Variants in POMK observed in about 807,000 individuals in gnomAD.
POMK encodes Sugen kinase 196.
POMK carries 19 observed loss-of-function variants against 23.0 expected under a neutral mutation model. That is an observed-to-expected ratio of 0.83 (90% CI 0.58 to 1.21). The LOEUF (loss-of-function observed/expected upper bound fraction) is 1.21, where lower values mean the gene tolerates loss of function less well. POMK is among the 50% of genes most tolerant of loss of function. The probability of loss-of-function intolerance (pLI) is 0.00; values close to 1 mark genes in which losing one functional copy is unlikely to be tolerated. For missense variants in POMK, 410 were observed against 431.3 expected (o/e 0.95, Z 0.44); for synonymous variants, 173 against 171.6 (o/e 1.01, Z -0.06).
At position 43,097,563 on chromosome 8, in the gene POMK, T is replaced by G. The variant is rs1410488337; in HGVS notation, c.-170T>G. On this transcript the variant is annotated 5_prime_UTR_variant, in exon 2 of 5. Coordinates refer to ENST00000331373, the MANE Select transcript of POMK (RefSeq NM_032237.5). ...TTGCTGTGTAATCCTGAGAATGGAC[T>G]GCAAGAGAGGAAAAACTGGGCGTCT... is the stretch of plus-strand genomic sequence containing the variant. 6.6e-6 allele frequency: 1 copy of G among 152,186 alleles called. No individual in the cohort carries two copies. The highest frequency in any genetic ancestry group is 1.5e-5 in the Non-Finnish European group (1 of 68,044). 9.4% of individuals were successfully genotyped at this position (152,186 alleles called of 1,614,324 possible). A position where few individuals can be genotyped will look rare whatever the true frequency, so the allele number is the denominator to read the frequency against.
intron 1 of POMK, 57 bp from the exon 2 acceptor site, chr8:43,097,467 A>G (rs1811357214): frequency 6.6e-6 from 1 of 152,236 alleles, no homozygotes; most frequent in South Asian, 2.1e-4. Flanking sequence ...GTGTGACTTG[A>G]CAAAGCTGGA....
At chr8:43,096,430 A>G (rs1316260693) in intron 1 of POMK, among the ~76,000 whole-genome samples, 1 of 151,716 alleles carries the variant, frequency 6.6e-6, no homozygotes, top group Non-Finnish European at 1.5e-5. Context: ...TGGGAAGCCA[A>G]GGTGGGCGGA....
chr8:43,103,191 C>G (rs1156782325), intron 3 of POMK, among the ~76,000 whole-genome samples: 4 of 152,188 alleles, frequency 2.6e-5, no homozygotes. Flanking sequence ...CCTGTCCCAC[C>G]AGTTGACTAA....
intron 1 of POMK, among the ~76,000 whole-genome samples, chr8:43,095,729 G>A (rs1445899111): frequency 6.6e-6 from 1 of 152,146 alleles, no homozygotes; most frequent in African/African-American, 2.4e-5. Context: ...TCTGGCAAGA[G>A]GCTCAGCACT....
intron 4 of POMK, among the ~76,000 whole-genome samples, chr8:43,112,071 G>A (rs1811682051): frequency 6.6e-6 from 1 of 151,850 alleles, no homozygotes; most frequent in Non-Finnish European, 1.5e-5. Context: ...GACGGAGAAT[G>A]ACTTTGATGA....
At chr8:43,095,176 T>C (rs1183607849) in intron 1 of POMK, among the ~76,000 whole-genome samples, 1 of 152,216 alleles carries the variant, frequency 6.6e-6, no homozygotes, top group Non-Finnish European at 1.5e-5. Flanking sequence ...AAGAATGGGC[T>C]TGAGGCCAGA....
intron 4 of POMK, among the ~76,000 whole-genome samples, chr8:43,107,681 CTT>C (rs754701316): frequency 7.2e-6 from 1 of 139,298 alleles, no homozygotes; most frequent in Non-Finnish European, 1.6e-5. Flanking sequence ...GGCAAGAATA[CTT>C]TTTTTTTTTT....
At chr8:43,116,410 G>A (rs373394035) in intron 4 of POMK, among the ~76,000 whole-genome samples, 1 of 152,048 alleles carries the variant, frequency 6.6e-6, no homozygotes, top group African/African-American at 2.4e-5. Flanking sequence ...GACCACAGGC[G>A]TGTGCCACCA....
intron 4 of POMK, among the ~76,000 whole-genome samples, chr8:43,121,798 C>T (rs1416606640): frequency 6.6e-6 from 1 of 152,230 alleles, no homozygotes; most frequent in Non-Finnish European, 1.5e-5. Flanking sequence ...AGGTCCCCCT[C>T]GTTCTATGAG....
At chr8:43,098,938 T>C (rs1165291909) in intron 2 of POMK, among the ~76,000 whole-genome samples, 5 of 152,194 alleles carry the variant, frequency 3.3e-5, no homozygotes, top group African/African-American at 7.2e-5. Context: ...CCTTTGCCCA[T>C]TTTAAAAATT....
chr8:43,093,954 A>G (rs137970600), intron 1 of POMK, among the ~76,000 whole-genome samples: 18 of 152,212 alleles, frequency 1.2e-4, no homozygotes, highest in African/African-American at 3.9e-4. Flanking sequence ...GGCGCCGCCT[A>G]TAGTCTTATC....
At chr8:43,107,285 A>G (rs1158056606) in intron 4 of POMK, among the ~76,000 whole-genome samples, 2 of 151,958 alleles carry the variant, frequency 1.3e-5, no homozygotes, top group Admixed American at 1.3e-4. Context: ...CCTTATTTTT[A>G]TTAAAACAAA....
rs374743960 is a variant in POMK, at chr8:43,113,231, A to G, written c.283-8876A>G. Among the ~76,000 whole-genome samples, 1,096 of 152,028 alleles carry G rather than the reference A, an allele frequency of 7.2e-3. 15 individuals are homozygous for G. Among genetic ancestry groups the G allele is most frequent in the African/African-American group, 0.025 (1,034 of 41,332 alleles). On this transcript the variant is annotated intron_variant, in intron 4 of 4. Transcript: ENST00000331373. ...TTTCCAACTTGGTTCCATTCTCCCC[A>G]TCACTTTCAGGTACACCAATCAGAC...
intron 2 of POMK, among the ~76,000 whole-genome samples, chr8:43,102,275 G>A (rs1811460139): frequency 2.0e-5 from 3 of 152,206 alleles, no homozygotes; most frequent in Non-Finnish European, 2.9e-5. Context: ...TTGCGGGAAT[G>A]AGCAGCTGGA....
intron 4 of POMK, among the ~76,000 whole-genome samples, chr8:43,111,241 G>A (rs2130611311): frequency 6.6e-6 from 1 of 152,222 alleles, no homozygotes; most frequent in East Asian, 1.9e-4. Flanking sequence ...CACTTTTCCA[G>A]CGAGCTCAAC....
chr8:43,116,810 T>C (rs563405131), intron 4 of POMK, among the ~76,000 whole-genome samples: 1 of 152,352 alleles, frequency 6.6e-6, no homozygotes, highest in Non-Finnish European at 1.5e-5. Context: ...ATTTCATGCA[T>C]GTCCGTGTGA....
intron 4 of POMK, among the ~76,000 whole-genome samples, chr8:43,113,936 A>G (rs1007870410): frequency 6.6e-6 from 1 of 152,214 alleles, no homozygotes; most frequent in Non-Finnish European, 1.5e-5. Flanking sequence ...ATTTTCGTGA[A>G]CCGCGAATGC....
At position 43,122,825 on chromosome 8, in the gene POMK, T is replaced by C. The variant is rs1234071760; in HGVS notation, c.1001T>C (p.Val334Ala). 3 of 1,613,818 alleles carry C rather than the reference T, an allele frequency of 1.9e-6. No individual in the cohort carries two copies. The highest frequency in any genetic ancestry group is 2.5e-6 in the Non-Finnish European group (3 of 1,180,008). The change falls in exon 5 of 5, where the codon GTC becomes GCC. Residue 334 changes from valine to alanine, a missense_variant. Val to Ala is a moderately conservative substitution (Grantham distance 64, BLOSUM62 0). Transcript: ENST00000331373. ...GACGTTCTGGAGACCTACCAGAAGG[T>C]CTTGGATACACTTAGAGATGCCATG... ...AQDVLETYQK[V>A]LDTLRDAMMS...
intron 4 of POMK, among the ~76,000 whole-genome samples, chr8:43,115,316 G>C (rs1811774654): frequency 6.6e-6 from 1 of 152,160 alleles, no homozygotes; most frequent in East Asian, 1.9e-4. Flanking sequence ...CATCTGTGCA[G>C]AGACTGCTTC....
Sources: allele counts gnomAD v4.1 joint callset (sites outside exome capture counted in the v4.1 genomes callset), GRCh38; gene constraint gnomAD v4.1.1; transcripts MANE v1.5; gene names NCBI Gene and HGNC (gene_info 2026-07-23, HGNC 2026-07-21).